The following IPO13 variants were observed in gnomAD, a reference collection of about 807,000 sequenced individuals.
IPO13 encodes the protein importin 13.
IPO13 carries 28 observed loss-of-function variants against 115.5 expected under a neutral mutation model. The observed-to-expected ratio is 0.24, with a 90% CI of 0.18 to 0.33. The LOEUF (loss-of-function observed/expected upper bound fraction) is 0.33. Ranked by LOEUF, IPO13 falls within the 10% of genes least tolerant of loss-of-function variation. IPO13 has a pLI of 1.00. For missense variants in IPO13, 785 were observed against 1,204.6 expected (o/e 0.65, Z 5.16); for synonymous variants, 414 against 478.9 (o/e 0.86, Z 1.77).
Position 43,956,005 on chromosome 1 carries a change from CAAAAAA to C in IPO13, c.822-298_822-293del, listed in dbSNP as rs5773817. Among the ~76,000 whole-genome samples, 7 of 113,904 alleles carry C rather than the reference CAAAAAA, an allele frequency of 6.1e-5. No homozygotes were observed. The highest frequency in any genetic ancestry group is 1.1e-4 in the African/African-American group (3 of 27,434). 74.7% of individuals were successfully genotyped at this position (113,904 alleles called of 152,430 possible). ...TGGGTAACACAGCAAAACCCCATCT[CAAAAAA>C]AAAAAAAAAAAAAAAATCTTAACCC... is the stretch of plus-strand genomic sequence containing the variant. On this transcript the variant is annotated intron_variant, in intron 2 of 19. Transcript: ENST00000372343. The surrounding 1 kb of genome is among the most constrained non-coding windows in gnomAD (Gnocchi z 4.7).
intron 14 of IPO13, among the ~76,000 whole-genome samples, chr1:43,962,137 C>T (rs1468710799): frequency 2.0e-5 from 3 of 152,078 alleles, no homozygotes; most frequent in African/African-American, 7.2e-5. Context: ...ATGATCCTGG[C>T]CTCTGTTTCT....
In IPO13 at chr1:43,956,005, CAAAAAAA is replaced by C. The variant is rs5773817; in HGVS notation, c.822-299_822-293del. 4.4e-5 allele frequency among the ~76,000 whole-genome samples: 5 copies of C among 113,892 alleles called. No homozygotes were observed. The East Asian group carries it at 1.1e-3, about 24-fold the overall frequency. The allele number at this position is 113,892 out of a possible 152,430, so 74.7% of individuals were successfully genotyped here. A position where few individuals can be genotyped will look rare whatever the true frequency, so the allele number is the denominator to read the frequency against. ...TGGGTAACACAGCAAAACCCCATCT[CAAAAAAA>C]AAAAAAAAAAAAAAATCTTAACCCA... On this transcript the variant is annotated intron_variant, in intron 2 of 19. Transcript: ENST00000372343. This position sits in a 1 kb window ranked among gnomAD's most constrained non-coding sequence, Gnocchi z 4.7.
rs1221112796 is a variant in IPO13, at chr1:43,960,927, GC to G, written c.2166del (p.Met723TrpfsTer79). 1 of 1,614,202 alleles carries G rather than the reference GC, an allele frequency of 6.2e-7. No homozygotes were observed. Among genetic ancestry groups the G allele is most frequent in the Non-Finnish European group, 8.5e-7 (1 of 1,180,048 alleles). On this transcript the variant is annotated frameshift_variant, in exon 13 of 20. Transcript: ENST00000372343. LOFTEE classifies it high-confidence loss of function. ...KSVKTLLDDF[A>X]PMVPQLCEML... ...TGTTAAGACGCTGCTGGATGACTTTGCCCCCATGGTGCCACAGCTGTGTGAG... is the reference window on the plus strand; with the variant it reads ...TGTTAAGACGCTGCTGGATGACTTTGCCCCATGGTGCCACAGCTGTGTGAG...
chr1:43,957,211 A>G lies in IPO13; in HGVS notation c.1288A>G (p.Thr430Ala), dbSNP rs531823125. The G allele has an allele frequency of 1.1e-5, 17 of 1,613,920 alleles. No homozygotes were observed. Among genetic ancestry groups the G allele is most frequent in the Non-Finnish European group, 1.4e-5 (16 of 1,179,970 alleles). The change falls in exon 6 of 20, where the codon ACG becomes GCG. Residue 430 changes from threonine to alanine, a missense_variant. Thr to Ala is a moderately conservative substitution (Grantham distance 58, BLOSUM62 0). Coordinates refer to ENST00000372343, the MANE Select transcript of IPO13 (RefSeq NM_014652.4). ...GCTTCTCAGGGTGGACATCTCAGAC[A>G]CGCTCATGTATGTCTATGAGATGTT... is the stretch of plus-strand genomic sequence containing the variant. ...FRIYRVDISD[T>A]LMYVYEMLGA...
rs369326130 is a variant in IPO13, at chr1:43,952,238, C to T, written c.821+2085C>T. 2.3e-3 allele frequency among the ~76,000 whole-genome samples: 351 copies of T among 152,300 alleles called. 18 individuals carry two copies. The South Asian group carries it at 0.07, about 30-fold the overall frequency. On this transcript the variant is annotated intron_variant, in intron 2 of 19. Coordinates refer to ENST00000372343, the MANE Select transcript of IPO13 (RefSeq NM_014652.4). This position sits in a 1 kb window ranked among gnomAD's most constrained non-coding sequence, Gnocchi z 4.7. Reference sequence around the variant, plus strand: ...AGGCTGGTGTGCAGTGGCACAATCTCGGCTCACTGCAACCTCCGCCTCCCG... The same window carrying T: ...AGGCTGGTGTGCAGTGGCACAATCTTGGCTCACTGCAACCTCCGCCTCCCG...
Position 43,947,695 on chromosome 1 carries a change from T to C in IPO13, c.84+11T>C. 7.8e-7 allele frequency: 1 copy of C among 1,284,518 alleles called. No homozygotes were observed. Among genetic ancestry groups the C allele is most frequent in the Non-Finnish European group, 1.0e-6 (1 of 1,000,524 alleles). The allele number at this position is 1,284,518 out of a possible 1,614,324, so 79.6% of individuals were successfully genotyped here. ...GAGAACGTGGAGAAGGTATGAGGGC[T>C]CTGGGGTGGGCACTCCAGTGACAGA... On this transcript the variant is annotated intron_variant, in intron 1 of 19. Transcript: ENST00000372343.
At position 43,956,049 on chromosome 1, in the gene IPO13, G is replaced by GCTCT. The variant is rs950096014; in HGVS notation, c.822-269_822-266dup. On this transcript the variant is annotated intron_variant, in intron 2 of 19. Coordinates refer to ENST00000372343, the MANE Select transcript of IPO13 (RefSeq NM_014652.4). The surrounding 1 kb of genome is among the most constrained non-coding windows in gnomAD (Gnocchi z 4.7). Reference sequence around the variant, plus strand: ...AAAATCTTAACCCATTCCGGAATCAGCTCTCAGTCCAACTGGAGAACACAA... The same window carrying GCTCT: ...AAAATCTTAACCCATTCCGGAATCAGCTCTCTCTCAGTCCAACTGGAGAACACAA... 2.7e-5 allele frequency among the ~76,000 whole-genome samples: 4 copies of GCTCT among 150,220 alleles called. No homozygotes were observed. The highest frequency in any genetic ancestry group is 4.4e-5 in the Non-Finnish European group (3 of 67,768).
At chr1:43,951,943 T>C (rs2085212163) in intron 2 of IPO13, among the ~76,000 whole-genome samples, 2 of 152,212 alleles carry the variant, frequency 1.3e-5, no homozygotes, top group South Asian at 2.1e-4. Flanking sequence ...CCCCACAGAG[T>C]TGAAAAGGTT....
chr1:43,967,688 G>A lies in IPO13; in HGVS notation c.*6G>A. 6.2e-7 allele frequency: 1 copy of A among 1,613,102 alleles called. No homozygotes were observed. The highest frequency in any genetic ancestry group is 8.5e-7 in the Non-Finnish European group (1 of 1,179,072). On this transcript the variant is annotated 3_prime_UTR_variant, in exon 20 of 20. Coordinates refer to ENST00000372343, the MANE Select transcript of IPO13 (RefSeq NM_014652.4). The surrounding 1 kb of genome is among the most constrained non-coding windows in gnomAD (Gnocchi z 6.1). ...ATTACACAGCTGACTACTGAGGGGT[G>A]CCCCCATCCCATCCACCCCTTCTCT...
At chr1:43,948,312 C>T (rs2085182049) in intron 1 of IPO13, among the ~76,000 whole-genome samples, 1 of 152,176 alleles carries the variant, frequency 6.6e-6, no homozygotes, top group South Asian at 2.1e-4. Context: ...TCCCAGGCTC[C>T]CCGACTGCCC....
Position 43,966,619 on chromosome 1 carries a change from T to A in IPO13, c.2442T>A (p.Asp814Glu), listed in dbSNP as rs2085326859. The A allele has an allele frequency of 1.2e-6, 2 of 1,614,158 alleles. No homozygotes were observed. Among genetic ancestry groups the A allele is most frequent in the Admixed American group, 3.3e-5 (2 of 60,016 alleles). The part of the protein sequence containing the change: ...KPDLFLCERL[D>E]VKAVFQCAVL... The stretch of plus-strand genomic sequence containing the variant: ...ATTTGTTCCTGTGTGAACGATTGGA[T>A]GTCAAAGCTGTGTTCCAGTGTGGTA... Residue 814 changes from aspartate (D) to glutamate (E), a missense_variant, in exon 16 of 20, where the codon GAT becomes GAA. Asp to Glu is a conservative substitution (Grantham distance 45, BLOSUM62 2). Around this residue, in one of 3 missense-constraint regions of IPO13, gnomAD observed 285 missense variants for 394.8 expected, o/e 0.72. Coordinates refer to ENST00000372343, the MANE Select transcript of IPO13 (RefSeq NM_014652.4). This position sits in a 1 kb window ranked among gnomAD's most constrained non-coding sequence, Gnocchi z 4.1.
At position 43,958,008 on chromosome 1, in the gene IPO13, C is replaced by T. The variant is rs542837221; in HGVS notation, c.1572C>T (p.Pro524=). The T allele has an allele frequency of 2.5e-5, 41 of 1,614,164 alleles. No individual in the cohort carries two copies. The highest frequency in any genetic ancestry group is 1.7e-4 in the Admixed American group (10 of 60,022). Residue 524 remains proline (P), a synonymous_variant, in exon 8 of 20, where the codon CCC becomes CCT. Transcript: ENST00000372343. The surrounding 1 kb of genome is among the most constrained non-coding windows in gnomAD (Gnocchi z 6.3). ...TGTCTGAATGGCTGGCTGACCACCC[C>T]GTCATGATCAACAGTGTTCTGCCCT... The part of the protein sequence containing the change: ...GALSEWLADH[P]VMINSVLPLV...
chr1:43,957,720 C>A (rs1241161338), intron 7 of IPO13, among the ~76,000 whole-genome samples, 171 bp downstream of exon 7: 1 of 152,244 alleles, frequency 6.6e-6, no homozygotes, highest in Non-Finnish European at 1.5e-5. Context: ...TCTGATGGCA[C>A]ACTGAGCTGC....
chr1:43,965,781 G>A (rs1210445746), intron 15 of IPO13, among the ~76,000 whole-genome samples: 1 of 151,452 alleles, frequency 6.6e-6, no homozygotes, highest in Non-Finnish European at 1.5e-5. Flanking sequence ...TAGAGGGGAT[G>A]TGAGGGGCTG....
intron 2 of IPO13, among the ~76,000 whole-genome samples, chr1:43,955,062 G>A (rs969094103): frequency 3.3e-5 from 5 of 152,152 alleles, no homozygotes; most frequent in Non-Finnish European, 5.9e-5. Context: ...GACCTGAGAG[G>A]TGTCTTTATT....
At position 43,958,981 on chromosome 1, in the gene IPO13, T is replaced by A; in HGVS notation, c.2028+92T>A. On this transcript the variant is annotated intron_variant, in intron 11 of 19. Transcript: ENST00000372343. This position sits in a 1 kb window ranked among gnomAD's most constrained non-coding sequence, Gnocchi z 6.3. The stretch of plus-strand genomic sequence containing the variant: ...ATGTCATTGTCACTCTTCAATTCTG[T>A]GGGTAATGTTGTCATTGTTCTCCCT... 1 of 1,249,952 alleles carries A rather than the reference T, an allele frequency of 8.0e-7. No homozygotes were observed. The highest frequency in any genetic ancestry group is 1.1e-6 in the Non-Finnish European group (1 of 876,530). 77.4% of individuals were successfully genotyped at this position (1,249,952 alleles called of 1,614,324 possible).
At position 43,966,616 on chromosome 1, in the gene IPO13, G is replaced by T; in HGVS notation, c.2439G>T (p.Leu813Phe). Residue 813 changes from leucine (L) to phenylalanine (F), a missense_variant, in exon 16 of 20, where the codon TTG becomes TTT. Physicochemically the swap from Leu to Phe is conservative, Grantham distance 22. This residue lies in a region of IPO13 where 285 missense variants were observed against 394.8 expected (regional missense o/e 0.72). Transcript: ENST00000372343. This position sits in a 1 kb window ranked among gnomAD's most constrained non-coding sequence, Gnocchi z 4.1. ...RKPDLFLCERLDVKAVFQCAV... is the reference protein window; with the variant it reads ...RKPDLFLCERFDVKAVFQCAV... ...CAGATTTGTTCCTGTGTGAACGATT[G>T]GATGTCAAAGCTGTGTTCCAGTGTG... is the stretch of plus-strand genomic sequence containing the variant. The T allele has an allele frequency of 1.2e-6, 2 of 1,614,226 alleles. No homozygotes were observed. Among genetic ancestry groups the T allele is most frequent in the African/African-American group, 1.3e-5 (1 of 75,054 alleles).
In IPO13 at chr1:43,952,670, TACAC is replaced by T. The variant is rs895125367; in HGVS notation, c.821+2527_821+2530del. On this transcript the variant is annotated intron_variant, in intron 2 of 19. Coordinates refer to ENST00000372343, the MANE Select transcript of IPO13 (RefSeq NM_014652.4). The surrounding 1 kb of genome is among the most constrained non-coding windows in gnomAD (Gnocchi z 4.7). ...CATACATATATTTATATGTATATGA[TACAC>T]ACACACACATAGATAATGTGCTTAA... Among the ~76,000 whole-genome samples, 6 of 152,054 alleles carry T rather than the reference TACAC, an allele frequency of 3.9e-5. No homozygotes were observed. Among genetic ancestry groups the T allele is most frequent in the South Asian group, 4.1e-4 (2 of 4,822 alleles).
chr1:43,957,120 G>T lies in IPO13; in HGVS notation c.1272-75G>T, dbSNP rs1436176494. The T allele has an allele frequency of 2.5e-6, 4 of 1,581,934 alleles. No homozygotes were observed. In the African/African-American group the frequency reaches 4.1e-5, roughly 16 times the overall value. ...GTTGCAGAGTTGTGGGGGTACTGGG[G>T]TAGGCTCCTGGGCTTGGGGGCAGGA... On this transcript the variant is annotated intron_variant, in intron 5 of 19. Transcript: ENST00000372343.
Sources: gnomAD v4.1 joint callset for allele counts (sites outside exome capture counted in the v4.1 genomes callset) on GRCh38, gnomAD v4.1.1 for gene constraint, gnomAD v4.1.1 regional missense constraint, Gnocchi (gnomAD v3.1) non-coding constraint, MANE v1.5 for transcripts, NCBI Gene and HGNC (gene_info 2026-07-23, HGNC 2026-07-21) for gene names.